Variants in SEMA3D observed in about 807,000 individuals in gnomAD.
The protein encoded by SEMA3D is semaphorin-3D.
SEMA3D carries 84 observed loss-of-function variants against 100.1 expected under a neutral mutation model. That is an observed-to-expected ratio of 0.84 (90% CI 0.70 to 1.01). The LOEUF (loss-of-function observed/expected upper bound fraction) is 1.01, where lower values mean the gene tolerates loss of function less well. Among genes scored for constraint, SEMA3D ranks in the 50% least tolerant of loss-of-function variants. The probability of loss-of-function intolerance (pLI) is 0.00; values close to 1 mark genes in which losing one functional copy is unlikely to be tolerated. For synonymous variants in SEMA3D, 312 were observed against 320.7 expected, an observed-to-expected ratio of 0.97 and a Z score of 0.29; for missense variants, 875 against 934.1, an observed-to-expected ratio of 0.94 and a Z score of 0.82.
chr7:85,151,468 G>A lies in SEMA3D; in HGVS notation c.-41+2140C>T, dbSNP rs375778716. The stretch of plus-strand genomic sequence containing the variant: ...CAGTAGCAGATTATTTTCAAAATCA[G>A]TTCCAGAAAGAATATAGTTCTTAAT... On this transcript the variant is annotated intron_variant, in intron 2 of 18. Coordinates refer to ENST00000284136, the MANE Select transcript of SEMA3D (RefSeq NM_001384900.1). 6.6e-5 allele frequency among the ~76,000 whole-genome samples: 10 copies of A among 152,016 alleles called. No homozygotes were observed. In the East Asian group the frequency reaches 9.7e-4, roughly 15 times the overall value.
chr7:85,091,153 GGAAGGAAGGAAGGAAGGAAA>G (rs1205530260), intron 4 of SEMA3D, among the ~76,000 whole-genome samples: 22 of 136,104 alleles, frequency 1.6e-4, no homozygotes, highest in African/African-American at 6.5e-4. Context: ...AAGGAAGGAG[GGAAGGAAGGAAGGAAGGAAA>G]GAAGGAAGGA....
intron 6 of SEMA3D, among the ~76,000 whole-genome samples, chr7:85,072,317 C>T (rs1791797072): frequency 6.6e-6 from 1 of 152,110 alleles, no homozygotes; most frequent in Admixed American, 6.5e-5. Context: ...AGTCATTGTG[C>T]CAATGACTAT....
chr7:85,059,783 G>GA (rs1248568827), intron 8 of SEMA3D, among the ~76,000 whole-genome samples: 1 of 151,876 alleles, frequency 6.6e-6, no homozygotes, highest in Non-Finnish European at 1.5e-5. Flanking sequence ...TTAATTAAAA[G>GA]AAAAAAGAGC....
intron 14 of SEMA3D, among the ~76,000 whole-genome samples, chr7:85,019,853 A>G (rs1457941597): frequency 6.6e-6 from 1 of 151,628 alleles, no homozygotes; most frequent in African/African-American, 2.4e-5. Flanking sequence ...CACATGATTT[A>G]TACACTGGTC....
intron 12 of SEMA3D, among the ~76,000 whole-genome samples, chr7:85,033,146 T>G (rs571005557): frequency 6.6e-6 from 1 of 152,252 alleles, no homozygotes; most frequent in South Asian, 2.1e-4. Context: ...TATTTGATGG[T>G]TTAGATGCAG....
the SEMA3D span, among the ~76,000 whole-genome samples, chr7:85,226,880 T>C: frequency 6.6e-6 from 1 of 152,146 alleles, no homozygotes; most frequent in Non-Finnish European, 1.5e-5. Flanking sequence ...TTGTGGAAAT[T>C]TATGGTACTA....
intron 12 of SEMA3D, among the ~76,000 whole-genome samples, chr7:85,035,055 G>T (rs963765133): frequency 1.3e-5 from 2 of 151,964 alleles, no homozygotes; most frequent in African/African-American, 4.8e-5. Flanking sequence ...ATTCACAATA[G>T]TCAAGACATG....
At chr7:85,064,828 G>A (rs983979350) in intron 8 of SEMA3D, among the ~76,000 whole-genome samples, 2 of 152,000 alleles carry the variant, frequency 1.3e-5, no homozygotes, top group African/African-American at 2.4e-5. Context: ...TAAAAAATTT[G>A]AAACTCAAAA....
At chr7:85,010,861 TAGAC>T (rs1435578873) in intron 17 of SEMA3D, among the ~76,000 whole-genome samples, 1 of 151,560 alleles carries the variant, frequency 6.6e-6, no homozygotes, top group African/African-American at 2.4e-5. Flanking sequence ...AGTGTTGAAA[TAGAC>T]AGTATTAGGG....
chr7:85,173,329 C>A (rs774528052), intron 1 of SEMA3D, among the ~76,000 whole-genome samples: 2 of 152,042 alleles, frequency 1.3e-5, no homozygotes, highest in African/African-American at 4.8e-5. Context: ...ACTTGCTGAT[C>A]AGCTTCTATA....
the SEMA3D span, among the ~76,000 whole-genome samples, chr7:85,222,816 G>T: frequency 1.3e-5 from 2 of 152,100 alleles, no homozygotes. Flanking sequence ...TAGTGGAGAT[G>T]AGGAAAGGAC....
chr7:85,140,910 G>A (rs774354373), intron 2 of SEMA3D: 77 of 618,464 alleles, frequency 1.2e-4, no homozygotes, highest in Non-Finnish European at 1.4e-4. Flanking sequence ...CAACACCTCA[G>A]TTAGAGATGA....
intron 10 of SEMA3D, 69 bp downstream of exon 10, chr7:85,042,102 G>A: frequency 1.8e-6 from 2 of 1,082,118 alleles, no homozygotes; most frequent in Non-Finnish European, 2.8e-6. Flanking sequence ...GAGCCAAAGG[G>A]AAATAAATGC....
At chr7:85,129,861 G>A (rs114886346) in intron 2 of SEMA3D, among the ~76,000 whole-genome samples, 32 of 152,092 alleles carry the variant, frequency 2.1e-4, no homozygotes, top group South Asian at 1.4e-3. Context: ...AAAACTGCAC[G>A]TAGCAGGAAA....
intron 2 of SEMA3D, among the ~76,000 whole-genome samples, chr7:85,126,375 CGTGTGT>C (rs34641872): frequency 3.1e-4 from 41 of 131,002 alleles, no homozygotes; most frequent in East Asian, 7.1e-4. Context: ...GATTCTTTCT[CGTGTGT>C]GTGTGTGTGT....
chr7:85,000,352 G>A (rs934102150), intron 18 of SEMA3D, among the ~76,000 whole-genome samples: 3 of 152,152 alleles, frequency 2.0e-5, no homozygotes, highest in African/African-American at 7.2e-5. Flanking sequence ...ATGTAGAATA[G>A]AACAATAATT....
At chr7:85,213,616 C>T in the SEMA3D span, among the ~76,000 whole-genome samples, 3 of 152,088 alleles carry the variant, frequency 2.0e-5, no homozygotes, top group African/African-American at 7.2e-5. Flanking sequence ...GTCTGTATTT[C>T]TTCACAGATG....
chr7:85,019,323 T>C (rs369587035), intron 14 of SEMA3D, among the ~76,000 whole-genome samples: 6 of 151,726 alleles, frequency 4.0e-5, no homozygotes, highest in African/African-American at 7.2e-5. Flanking sequence ...TTCACACTTA[T>C]GTTTGACATC....
chr7:85,161,261 A>G (rs1790737252), intron 1 of SEMA3D, among the ~76,000 whole-genome samples: 1 of 152,248 alleles, frequency 6.6e-6, no homozygotes, highest in Non-Finnish European at 1.5e-5. Context: ...AAATCAAATA[A>G]TTGGTCCTTT....
Sources: gnomAD v4.1 joint callset for allele counts (sites outside exome capture counted in the v4.1 genomes callset) on GRCh38, gnomAD v4.1.1 for gene constraint, MANE v1.5 for transcripts, NCBI Gene and HGNC (gene_info 2026-07-23, HGNC 2026-07-21) for gene names.